Variants in SIPA1L3 observed in about 807,000 individuals in gnomAD.
SIPA1L3 encodes the protein signal induced proliferation associated 1 like 3, also known as signal-induced proliferation-associated 1-like protein 3.
Under a neutral mutation model 150.1 loss-of-function variants are expected in SIPA1L3, and 59 were observed. The observed-to-expected ratio is 0.39, with a 90% CI of 0.32 to 0.49. The LOEUF is 0.49. Ranked by LOEUF, SIPA1L3 falls within the 20% of genes least tolerant of loss-of-function variation. SIPA1L3 has a pLI of 0.86. For missense variants in SIPA1L3, 2,211 were observed against 2,489.5 expected (o/e 0.89, Z 2.38); for synonymous variants, 1,070 against 1,077.6 (o/e 0.99, Z 0.14).
intron 10 of SIPA1L3, among the ~76,000 whole-genome samples, chr19:38,134,379 C>A (rs947496711): frequency 3.8e-5 from 5 of 132,398 alleles, no homozygotes; most frequent in African/African-American, 1.5e-4. Context: ...GAGCTGTGAT[C>A]ACACCACTGC....
chr19:38,054,662 A>G (rs1229361345), intron 2 of SIPA1L3, among the ~76,000 whole-genome samples: 1 of 152,174 alleles, frequency 6.6e-6, no homozygotes, highest in African/African-American at 2.4e-5. Context: ...GAGTTGGTAC[A>G]CTCTCTTGGT....
At chr19:38,197,937 GGTGAGAACACA>G (rs1185157080) in intron 18 of SIPA1L3, among the ~76,000 whole-genome samples, 2 of 148,982 alleles carry the variant, frequency 1.3e-5, no homozygotes, top group East Asian at 2.0e-4. Flanking sequence ...GGGCACTCAG[GGTGAGAACACA>G]GTCGTCACTG....
intron 16 of SIPA1L3, among the ~76,000 whole-genome samples, chr19:38,187,764 A>T (rs1972719516): frequency 6.6e-6 from 1 of 150,534 alleles, no homozygotes; most frequent in Non-Finnish European, 1.5e-5. Context: ...AACTTTTTTC[A>T]AGGCGAGTGG....
At chr19:38,140,173 G>A (rs1041251222) in intron 10 of SIPA1L3, among the ~76,000 whole-genome samples, 1 of 152,234 alleles carries the variant, frequency 6.6e-6, no homozygotes, top group Non-Finnish European at 1.5e-5. Flanking sequence ...GGCACTTCCA[G>A]GCTGAAGGCT....
At chr19:38,190,800 T>C (rs1314914929) in intron 16 of SIPA1L3, among the ~76,000 whole-genome samples, 1 of 152,242 alleles carries the variant, frequency 6.6e-6, no homozygotes, top group East Asian at 1.9e-4. Flanking sequence ...ATAAGATTCC[T>C]ACCTCCCAGA....
rs77856404 is a variant in SIPA1L3, at chr19:38,046,353, C to T, written c.-311+17197C>T. 0.074 allele frequency among the ~76,000 whole-genome samples: 11,238 copies of T among 152,194 alleles called. 552 individuals are homozygous for T. Among genetic ancestry groups the T allele is most frequent in the East Asian group, 0.19 (982 of 5,164 alleles). ...CTCTCAGGCCCAGCGCTGCCAGCAG[C>T]CTGTCCCCCCTCCTCATTTCCCTAT... On this transcript the variant is annotated intron_variant, in intron 2 of 21. Transcript: ENST00000222345. This position sits in a 1 kb window ranked among gnomAD's most constrained non-coding sequence, Gnocchi z 5.6.
chr19:38,080,878 G>A (rs1186682239), intron 2 of SIPA1L3, among the ~76,000 whole-genome samples: 1 of 151,830 alleles, frequency 6.6e-6, no homozygotes, highest in Non-Finnish European at 1.5e-5. Flanking sequence ...GCTGAGGCAG[G>A]AGAATCATTC....
At chr19:38,205,243 T>C (rs1973182392) in intron 21 of SIPA1L3, among the ~76,000 whole-genome samples, 1 of 151,510 alleles carries the variant, frequency 6.6e-6, no homozygotes, top group African/African-American at 2.4e-5. Flanking sequence ...CCGAGGTGGG[T>C]GAGGTCAGGA....
At chr19:37,971,468 C>T (rs1966934088) in intron 1 of SIPA1L3, among the ~76,000 whole-genome samples, 2 of 152,112 alleles carry the variant, frequency 1.3e-5, no homozygotes, top group Admixed American at 6.6e-5. Context: ...CTTTCTGTCT[C>T]TATGTATTTG....
intron 1 of SIPA1L3, among the ~76,000 whole-genome samples, chr19:37,980,005 C>T (rs1405275579): frequency 6.6e-6 from 1 of 152,222 alleles, no homozygotes; most frequent in Admixed American, 6.5e-5. Flanking sequence ...CCTCAGGAAT[C>T]CACAGGCCGG....
chr19:38,160,657 C>T (rs1972062271), intron 13 of SIPA1L3, among the ~76,000 whole-genome samples: 1 of 152,056 alleles, frequency 6.6e-6, no homozygotes, highest in South Asian at 2.1e-4. Flanking sequence ...CCGCCTCGGC[C>T]TCCCAAAGTG....
In SIPA1L3 at chr19:37,952,015, T is replaced by C. The variant is rs535922652; in HGVS notation, c.-379+44657T>C. Among the ~76,000 whole-genome samples the C allele has an allele frequency of 3.3e-5, 5 of 151,172 alleles. No homozygotes were observed. The East Asian group carries it at 9.8e-4, about 30-fold the overall frequency. On this transcript the variant is annotated intron_variant, in intron 1 of 21. Coordinates refer to ENST00000222345, the MANE Select transcript of SIPA1L3 (RefSeq NM_015073.3). ...CAGGTCATTCCTTATCTTCCTGCCA[T>C]AGGGATTGGTTCAAGGAAGGGAGGA...
At chr19:38,030,952 C>T (rs533705777) in intron 2 of SIPA1L3, among the ~76,000 whole-genome samples, 1 of 152,124 alleles carries the variant, frequency 6.6e-6, no homozygotes, top group African/African-American at 2.4e-5. Flanking sequence ...GCCGTGTCGG[C>T]CAAGCTGCGG....
intron 1 of SIPA1L3, among the ~76,000 whole-genome samples, chr19:38,008,729 A>T (rs2017648): frequency 0.3 from 44,789 of 151,420 alleles, 7,488 homozygotes; most frequent in East Asian, 0.7. Context: ...GCTAATTTTT[A>T]AAAATTTTTT....
intron 15 of SIPA1L3, among the ~76,000 whole-genome samples, chr19:38,171,357 T>A (rs532504392): frequency 1.4e-5 from 2 of 146,588 alleles, no homozygotes; most frequent in Non-Finnish European, 3.0e-5. Flanking sequence ...CTGGGCAACA[T>A]AGACCCATCT....
chr19:38,091,982 T>C (rs1350447972), intron 4 of SIPA1L3, among the ~76,000 whole-genome samples: 2 of 150,718 alleles, frequency 1.3e-5, no homozygotes, highest in Admixed American at 1.3e-4. Flanking sequence ...GAGAATCGCT[T>C]GAACCTGAGA....
intron 1 of SIPA1L3, among the ~76,000 whole-genome samples, chr19:37,928,818 A>G (rs1049371976): frequency 2.1e-4 from 32 of 152,210 alleles, no homozygotes; most frequent in African/African-American, 7.7e-4. Flanking sequence ...ATCTCATATA[A>G]CAAAGAAGCC....
chr19:38,118,055 T>C (rs1186934614), intron 8 of SIPA1L3, among the ~76,000 whole-genome samples: 1 of 152,202 alleles, frequency 6.6e-6, no homozygotes, highest in Non-Finnish European at 1.5e-5. Context: ...TTTTCTTCTT[T>C]AAACCTCAGC....
chr19:38,173,446 C>T (rs989843670), intron 15 of SIPA1L3, among the ~76,000 whole-genome samples: 3 of 152,262 alleles, frequency 2.0e-5, no homozygotes, highest in African/African-American at 4.8e-5. Flanking sequence ...TGATCCTGGG[C>T]GGGCAGCCAC....
Sources: gnomAD v4.1 joint callset for allele counts (sites outside exome capture counted in the v4.1 genomes callset) on GRCh38, gnomAD v4.1.1 for gene constraint, Gnocchi (gnomAD v3.1) non-coding constraint, MANE v1.5 for transcripts, NCBI Gene and HGNC (gene_info 2026-07-23, HGNC 2026-07-21) for gene names.